CELF4: variants seen among roughly 807,000 people sequenced by gnomAD.
CELF4 encodes CUGBP Elav-like family member 4.
Under a neutral mutation model 59.9 loss-of-function variants are expected in CELF4, and 18 were observed. The ratio of observed to expected loss-of-function variants is 0.30; its 90% CI spans 0.21 to 0.45. CELF4 has a LOEUF of 0.45. Ranked by LOEUF, CELF4 falls within the 20% of genes least tolerant of loss-of-function variation. The pLI, the probability that CELF4 is intolerant of heterozygous loss-of-function variation, is 1.00. For synonymous variants in CELF4, 261 were observed against 267.1 expected (o/e 0.98, Z 0.22); for missense variants, 456 against 689.0 (o/e 0.66, Z 3.79).
chr18:37,521,330 C>A (rs1204364283), intron 1 of CELF4, among the ~76,000 whole-genome samples: 2 of 152,222 alleles, frequency 1.3e-5, no homozygotes. Flanking sequence ...ATAATGGTCC[C>A]CCAGCCCTCC....
intron 10 of CELF4, among the ~76,000 whole-genome samples, chr18:37,263,810 G>A (rs548531544): frequency 1.1e-4 from 17 of 152,158 alleles, no homozygotes; most frequent in Admixed American, 7.9e-4. Context: ...TTCTCACCCT[G>A]CCCACGCAGT....
At chr18:37,458,907 A>C (rs1252524591) in intron 2 of CELF4, among the ~76,000 whole-genome samples, 3 of 152,122 alleles carry the variant, frequency 2.0e-5, no homozygotes, top group African/African-American at 7.2e-5. Flanking sequence ...CTCTTTGTAG[A>C]ATCTATTGTC....
chr18:37,403,408 G>A (rs780617688), intron 2 of CELF4, among the ~76,000 whole-genome samples: 1 of 152,160 alleles, frequency 6.6e-6, no homozygotes, highest in African/African-American at 2.4e-5. Flanking sequence ...CCTCCATGGA[G>A]GCGAGGCCAC....
At chr18:37,273,474 G>A (rs575433354) in intron 6 of CELF4, 19 of 1,072,366 alleles carry the variant, frequency 1.8e-5, no homozygotes, top group Admixed American at 1.5e-4. Flanking sequence ...CCTGTCATTC[G>A]TGGGGAAGTG....
intron 3 of CELF4, among the ~76,000 whole-genome samples, chr18:37,303,967 T>G (rs1315257653): frequency 1.3e-5 from 2 of 152,206 alleles, no homozygotes; most frequent in African/African-American, 4.8e-5. Context: ...AGCCCCATGG[T>G]AAGTGCCAGA....
intron 2 of CELF4, among the ~76,000 whole-genome samples, chr18:37,417,898 C>A (rs1007403655): frequency 1.3e-5 from 2 of 152,212 alleles, no homozygotes; most frequent in Admixed American, 6.5e-5. Context: ...CATAATGAGT[C>A]ATGTGATTGA....
intron 11 of CELF4, among the ~76,000 whole-genome samples, chr18:37,257,398 G>C (rs1420457576): frequency 6.6e-6 from 1 of 152,220 alleles, no homozygotes; most frequent in Non-Finnish European, 1.5e-5. Flanking sequence ...AAATACCAAA[G>C]AGTGGAGGAC....
At position 37,243,942 on chromosome 18, in the gene CELF4, G is replaced by T. The variant is rs1277307518; in HGVS notation, c.*1300C>A. On this transcript the variant is annotated 3_prime_UTR_variant, in exon 13 of 13. Transcript: ENST00000420428. ...GCGGCGGCGGCGACCCGGGCGACGC[G>T]ACCGTTCCCGACCGACGGCGTGGCC... is the stretch of plus-strand genomic sequence containing the variant. 4 of 178,522 alleles carry T rather than the reference G, an allele frequency of 2.2e-5. No homozygotes were observed. Among genetic ancestry groups the T allele is most frequent in the South Asian group, 3.4e-4 (2 of 5,844 alleles). The allele number at this position is 178,522 out of a possible 1,614,324, so 11.1% of individuals were successfully genotyped here.
At chr18:37,520,029 T>C (rs773942480) in intron 1 of CELF4, among the ~76,000 whole-genome samples, 1 of 152,172 alleles carries the variant, frequency 6.6e-6, no homozygotes, top group African/African-American at 2.4e-5. Context: ...CACCCTCTCC[T>C]TGGGGGAGAC....
At chr18:37,325,419 A>G (rs1459611718) in intron 2 of CELF4, among the ~76,000 whole-genome samples, 1 of 152,144 alleles carries the variant, frequency 6.6e-6, no homozygotes, top group African/African-American at 2.4e-5. Context: ...CCCATTTTCC[A>G]TGGTAAATTA....
At chr18:37,368,219 A>G (rs538612744) in intron 2 of CELF4, among the ~76,000 whole-genome samples, 23 of 152,144 alleles carry the variant, frequency 1.5e-4, no homozygotes, top group Admixed American at 1.2e-3. Flanking sequence ...CCCCCAGCCC[A>G]ACTTTGTGAG....
intron 2 of CELF4, among the ~76,000 whole-genome samples, chr18:37,354,928 A>G (rs2098538056): frequency 1.3e-5 from 2 of 152,228 alleles, no homozygotes; most frequent in South Asian, 4.1e-4. Flanking sequence ...ATGGAGAGAG[A>G]TATTTCCATA....
chr18:37,266,261 C>T (rs2077476399), intron 9 of CELF4: 6 of 566,522 alleles, frequency 1.1e-5, no homozygotes, highest in Non-Finnish European at 1.6e-5. Context: ...AATCTGGCCT[C>T]AAAGACAGGT....
At chr18:37,382,206 A>G (rs1162494720) in intron 2 of CELF4, among the ~76,000 whole-genome samples, 1 of 152,206 alleles carries the variant, frequency 6.6e-6, no homozygotes, top group Non-Finnish European at 1.5e-5. Flanking sequence ...TTACCATCCC[A>G]TTTTACAGAT....
At chr18:37,434,194 A>T (rs1005973502) in intron 2 of CELF4, among the ~76,000 whole-genome samples, 1 of 152,060 alleles carries the variant, frequency 6.6e-6, no homozygotes, top group Admixed American at 6.6e-5. Context: ...AGTTCAGAAT[A>T]AAAAGAGAAG....
chr18:37,334,726 G>A (rs553044412), intron 2 of CELF4, among the ~76,000 whole-genome samples: 5 of 151,708 alleles, frequency 3.3e-5, no homozygotes, highest in Admixed American at 1.3e-4. Context: ...GCCCTGACCC[G>A]GGGGGGACAG....
intron 3 of CELF4, among the ~76,000 whole-genome samples, chr18:37,321,198 T>A (rs2097105040): frequency 6.6e-6 from 1 of 152,108 alleles, no homozygotes; most frequent in Non-Finnish European, 1.5e-5. Flanking sequence ...AGCCTCAAGG[T>A]GCTGCATTCC....
intron 2 of CELF4, among the ~76,000 whole-genome samples, chr18:37,356,915 A>T (rs1479271419): frequency 6.6e-6 from 1 of 151,932 alleles, no homozygotes; most frequent in East Asian, 1.9e-4. Flanking sequence ...CTCCCCTGGG[A>T]CTTTTTCCTA....
At chr18:37,470,887 T>TGAGAGAGAGAGAGAGA (rs1557426553) in intron 2 of CELF4, among the ~76,000 whole-genome samples, 2 of 71,926 alleles carry the variant, frequency 2.8e-5, no homozygotes, top group African/African-American at 1.1e-4. Flanking sequence ...TGTGTGTGTG[T>TGAGAGAGAGAGAGAGA]GACAGAGAGA....
Sources: allele counts gnomAD v4.1 joint callset (sites outside exome capture counted in the v4.1 genomes callset), GRCh38; gene constraint gnomAD v4.1.1; transcripts MANE v1.5; gene names NCBI Gene and HGNC (gene_info 2026-07-23, HGNC 2026-07-21).